CFAP46: variants seen among roughly 807,000 people sequenced by gnomAD.
CFAP46 encodes the protein cilia- and flagella-associated protein 46.
In CFAP46, 245 loss-of-function variants were observed where a neutral mutation model predicts 325.7. The observed-to-expected ratio is 0.75, with a 90% CI of 0.68 to 0.84. The LOEUF is 0.84. Among genes scored for constraint, CFAP46 ranks in the 40% least tolerant of loss-of-function variants. CFAP46 has a pLI of 0.00. For synonymous variants in CFAP46, 1,523 were observed against 1,495.9 expected, an observed-to-expected ratio of 1.02 and a Z score of -0.42; for missense variants, 3,346 against 3,543.0, an observed-to-expected ratio of 0.94 and a Z score of 1.41.
intron 50 of CFAP46, among the ~76,000 whole-genome samples, chr10:132,822,089 G>A (rs1380973469): frequency 6.8e-6 from 1 of 147,168 alleles, no homozygotes; most frequent in Non-Finnish European, 1.5e-5. Context: ...GCAGTGATGT[G>A]TGCTGTGTGA....
At chr10:132,891,694 C>T (rs1245379882) in intron 25 of CFAP46, among the ~76,000 whole-genome samples, 2 of 152,166 alleles carry the variant, frequency 1.3e-5, no homozygotes, top group Non-Finnish European at 2.9e-5. Context: ...GAGAAGAGCT[C>T]GGAAGCCGGC....
chr10:132,836,931 G>A lies in CFAP46; in HGVS notation c.6439-17C>T, dbSNP rs754396689. The A allele has an allele frequency of 7.6e-6, 12 of 1,584,696 alleles. No homozygotes were observed. The South Asian group carries it at 8.8e-5, about 12-fold the overall frequency. On this transcript the variant is annotated splice_polypyrimidine_tract_variant and intron_variant, in intron 44 of 57. Transcript: ENST00000368586. Reference sequence around the variant, plus strand: ...TTGCCAAGCCTGTGTGGCGAAAAACGGCCATCAGGGGATGCATTTAGGACG... The same window carrying A: ...TTGCCAAGCCTGTGTGGCGAAAAACAGCCATCAGGGGATGCATTTAGGACG...
At chr10:132,810,223 G>A (rs751717763) in intron 57 of CFAP46, among the ~76,000 whole-genome samples, 186 bp downstream of exon 57, 35 of 152,172 alleles carry the variant, frequency 2.3e-4, no homozygotes, top group Non-Finnish European at 2.9e-4. Flanking sequence ...GTACAGAGAC[G>A]CAGGCAACTT....
intron 50 of CFAP46, among the ~76,000 whole-genome samples, chr10:132,822,161 G>T (rs1334249598): frequency 3.2e-3 from 443 of 136,452 alleles, no homozygotes; most frequent in African/African-American, 0.012. Flanking sequence ...TGTGCTGTGT[G>T]CTGTGTGTGC....
intron 10 of CFAP46, among the ~76,000 whole-genome samples, chr10:132,925,369 T>C (rs190078992): frequency 6.6e-6 from 1 of 152,360 alleles, no homozygotes; most frequent in African/African-American, 2.4e-5. Flanking sequence ...CCACAGCCTG[T>C]GGCTTCCACG....
chr10:132,907,292 C>T (rs1221793311), intron 22 of CFAP46, among the ~76,000 whole-genome samples: 1 of 152,214 alleles, frequency 6.6e-6, no homozygotes, highest in African/African-American at 2.4e-5. Context: ...GAAACATTTA[C>T]AATAGCAACA....
chr10:132,871,421 T>G (rs561498231), intron 32 of CFAP46, among the ~76,000 whole-genome samples: 2 of 152,368 alleles, frequency 1.3e-5, no homozygotes, highest in African/African-American at 4.8e-5. Flanking sequence ...CTGATGGATC[T>G]GGGCAAAGTG....
intron 39 of CFAP46, among the ~76,000 whole-genome samples, chr10:132,856,787 T>A (rs1298191880): frequency 1.3e-5 from 2 of 152,266 alleles, no homozygotes; most frequent in African/African-American, 4.8e-5. Flanking sequence ...CTTCCTAATT[T>A]CCTGCTTTTC....
chr10:132,847,372 G>T lies in CFAP46; in HGVS notation c.5953-51C>A. On this transcript the variant is annotated intron_variant, in intron 41 of 57. Coordinates refer to ENST00000368586, the MANE Select transcript of CFAP46 (RefSeq NM_001200049.3). The surrounding 1 kb of genome is among the most constrained non-coding windows in gnomAD (Gnocchi z 5.2). ...GACACTTCTGGGTTCCTGCTTGGTC[G>T]GCGTGGGGAGGGCCCACCCAGGGAG... The T allele has an allele frequency of 6.2e-7, 1 of 1,601,474 alleles. No individual in the cohort carries two copies. Among genetic ancestry groups the T allele is most frequent in the Non-Finnish European group, 8.5e-7 (1 of 1,171,924 alleles).
At chr10:132,906,052 AC>A (rs1849451742) in intron 22 of CFAP46, among the ~76,000 whole-genome samples, 1 of 152,230 alleles carries the variant, frequency 6.6e-6, no homozygotes. Context: ...TCCTGTCCAT[AC>A]TGTTTTGGAA....
chr10:132,913,964 G>A (rs930850351), intron 17 of CFAP46, among the ~76,000 whole-genome samples: 3 of 152,104 alleles, frequency 2.0e-5, no homozygotes, highest in Non-Finnish European at 4.4e-5. Flanking sequence ...GCTGGTTCCC[G>A]TGGCCACGAG....
In CFAP46 at chr10:132,816,831, C is replaced by T. The variant is rs574208872; in HGVS notation, c.7118-1917G>A. Among the ~76,000 whole-genome samples the T allele has an allele frequency of 6.6e-5, 10 of 152,310 alleles. No homozygotes were observed. In the South Asian group the frequency reaches 8.3e-4, roughly 13 times the overall value. On this transcript the variant is annotated intron_variant, in intron 50 of 57. Coordinates refer to ENST00000368586, the MANE Select transcript of CFAP46 (RefSeq NM_001200049.3). The stretch of plus-strand genomic sequence containing the variant: ...GTGAGCTGTTGAATTTTCAAGTGCG[C>T]GAGGATGGAAAAAAGTCTGCCTTCG...
chr10:132,917,555 C>T (rs187634785), intron 16 of CFAP46, among the ~76,000 whole-genome samples: 64 of 152,306 alleles, frequency 4.2e-4, no homozygotes, highest in Non-Finnish European at 6.5e-4. Context: ...CAGCAAATGC[C>T]GAGGTACCAT....
Position 132,879,453 on chromosome 10 carries a change from G to C in CFAP46, c.3978C>G (p.Ala1326=). 1 of 1,536,888 alleles carries C rather than the reference G, an allele frequency of 6.5e-7. No homozygotes were observed. The highest frequency in any genetic ancestry group is 8.8e-7 in the Non-Finnish European group (1 of 1,139,342). Residue 1326 remains alanine (A), a synonymous_variant, in exon 29 of 58, where the codon GCC becomes GCG. Coordinates refer to ENST00000368586, the MANE Select transcript of CFAP46 (RefSeq NM_001200049.3). ...AEGYEDCCLA[A]YAFFRHIWQV... ...GCCAGATGTGCCTGAAGAAGGCGTA[G>C]GCTGCAAGGCAGCAGTCCTCGTAGC...
At position 132,885,207 on chromosome 10, in the gene CFAP46, C is replaced by T. The variant is rs1323758376; in HGVS notation, c.3523G>A (p.Glu1175Lys). ...FSMEIQKFKAESEDYLARMWH... is the reference protein window; with the variant it reads ...FSMEIQKFKAKSEDYLARMWH... ...ATGCGCGCCAAGTAGTCCTCACTCT[C>T]GGCCTTGAATTTCTGTATTTCCATC... The change falls in exon 27 of 58, where the codon GAG (glutamate) becomes AAG (lysine). Residue 1175 changes from glutamate (E) to lysine (K), a missense_variant. Coordinates refer to ENST00000368586, the MANE Select transcript of CFAP46 (RefSeq NM_001200049.3). 33 of 1,550,420 alleles carry T rather than the reference C, an allele frequency of 2.1e-5. No homozygotes were observed. The highest frequency in any genetic ancestry group is 5.9e-5 in the Admixed American group (3 of 50,988).
At position 132,819,552 on chromosome 10, in the gene CFAP46, G is replaced by A. The variant is rs139436890; in HGVS notation, c.7118-4638C>T. Among the ~76,000 whole-genome samples the A allele has an allele frequency of 2.3e-3, 354 of 152,314 alleles. 3 individuals carry two copies. The highest frequency in any genetic ancestry group is 0.013 in the Admixed American group (197 of 15,302). On this transcript the variant is annotated intron_variant, in intron 50 of 57. Coordinates refer to ENST00000368586, the MANE Select transcript of CFAP46 (RefSeq NM_001200049.3). ...TGGTATAAAAGCAGACACTGGGCCC[G>A]ATAGAAGAGAATGGAGAATCCAGAA...
chr10:132,824,277 GTGTGC>G (rs2134912516), intron 50 of CFAP46, among the ~76,000 whole-genome samples: 1 of 145,404 alleles, frequency 6.9e-6, no homozygotes, highest in South Asian at 2.2e-4. Context: ...TGTGTGCTGT[GTGTGC>G]TGAGTGCTGA....
At chr10:132,932,383 G>A (rs2135702002) in intron 8 of CFAP46, among the ~76,000 whole-genome samples, 1 of 129,520 alleles carries the variant, frequency 7.7e-6, no homozygotes, top group African/African-American at 3.1e-5. Context: ...CCCACGCAGA[G>A]GCTGGGCCTT....
chr10:132,885,671 GGGGGGAGCACACTCCGGT>G (rs939343864), intron 26 of CFAP46, 132 bp downstream of exon 26: 13 of 763,846 alleles, frequency 1.7e-5, no homozygotes, highest in South Asian at 7.0e-5. Context: ...AGCAGGTGGT[GGGGGGAGCACACTCCGGT>G]GGGGGAGCAC....
Sources: gnomAD v4.1 joint callset for allele counts (sites outside exome capture counted in the v4.1 genomes callset) on GRCh38, gnomAD v4.1.1 for gene constraint, Gnocchi (gnomAD v3.1) non-coding constraint, MANE v1.5 for transcripts, NCBI Gene and HGNC (gene_info 2026-07-23, HGNC 2026-07-21) for gene names.